Variants in IMMT observed in about 807,000 individuals in gnomAD.
IMMT encodes the protein inner membrane mitochondrial protein.
In IMMT, 40 loss-of-function variants were observed where a neutral mutation model predicts 92.7. The ratio of observed to expected loss-of-function variants is 0.43; its 90% CI spans 0.34 to 0.56. The LOEUF (loss-of-function observed/expected upper bound fraction) is 0.56, where lower values mean the gene tolerates loss of function less well. Ranked by LOEUF, IMMT falls within the 20% of genes least tolerant of loss-of-function variation. The pLI is 0.03. For synonymous variants in IMMT, 322 were observed against 336.1 expected, an observed-to-expected ratio of 0.96 and a Z score of 0.46; for missense variants, 831 against 912.1, an observed-to-expected ratio of 0.91 and a Z score of 1.14.
chr2:86,147,876 C>A, intron 12 of IMMT, 43 bp from the exon 13 acceptor site: 3 of 1,592,440 alleles, frequency 1.9e-6, no homozygotes, highest in Non-Finnish European at 2.6e-6. Flanking sequence ...CAATTCTCCA[C>A]ATATACTTTT....
At chr2:86,191,747 C>CAAAAAAAAAAAAAA (rs572412565) in intron 1 of IMMT, among the ~76,000 whole-genome samples, 1 of 116,874 alleles carries the variant, frequency 8.6e-6, no homozygotes, top group Non-Finnish European at 1.7e-5. Flanking sequence ...ACTAAAAATA[C>CAAAAAAAAAAAAAA]AAAAAAAAAA....
At position 86,151,528 on chromosome 2, in the gene IMMT, A is replaced by G. The variant is rs1675468659; in HGVS notation, c.1178-8T>C. On this transcript the variant is annotated splice_polypyrimidine_tract_variant and splice_region_variant and intron_variant, in intron 11 of 14. Coordinates refer to ENST00000410111, the MANE Select transcript of IMMT (RefSeq NM_006839.3). ...CAGTAGAGAGCTTGTCAGCTAAGCA[A>G]AAGAGCATGTTAAAATATTAATGAT... The G allele has an allele frequency of 1.3e-6, 2 of 1,590,520 alleles. No individual in the cohort carries two copies. Among genetic ancestry groups the G allele is most frequent in the African/African-American group, 1.3e-5 (1 of 74,458 alleles).
At chr2:86,157,208 C>G (rs997070836) in intron 10 of IMMT, among the ~76,000 whole-genome samples, 1 of 152,228 alleles carries the variant, frequency 6.6e-6, no homozygotes, top group Non-Finnish European at 1.5e-5. Flanking sequence ...ATAAATCATA[C>G]TGTCACTTTT....
chr2:86,169,001 AG>A (rs765080697), intron 6 of IMMT, among the ~76,000 whole-genome samples: 15 of 152,376 alleles, frequency 9.8e-5, no homozygotes, highest in Non-Finnish European at 8.8e-5. Context: ...TGCTGCTTCC[AG>A]CCCTCTTCAG....
intron 10 of IMMT, among the ~76,000 whole-genome samples, chr2:86,153,880 T>C (rs963549560): frequency 2.6e-5 from 4 of 152,210 alleles, no homozygotes; most frequent in African/African-American, 9.6e-5. Context: ...TTTTTTGTTT[T>C]GAGACAGAGC....
intron 4 of IMMT, among the ~76,000 whole-genome samples, chr2:86,173,135 A>G (rs373885781): frequency 1.3e-5 from 2 of 152,276 alleles, no homozygotes; most frequent in Non-Finnish European, 2.9e-5. Context: ...AAGGAGAAAC[A>G]TAAGAAGTTC....
At chr2:86,189,792 T>C (rs6730226) in intron 1 of IMMT, among the ~76,000 whole-genome samples, 56,849 of 152,148 alleles carry the variant, frequency 0.37, 12,975 homozygotes, top group Non-Finnish European at 0.51. Flanking sequence ...CTTTTTCTAC[T>C]GTTAATTTAA....
chr2:86,152,400 C>G (rs1295327457), intron 11 of IMMT, among the ~76,000 whole-genome samples: 3 of 132,164 alleles, frequency 2.3e-5, no homozygotes, highest in South Asian at 2.4e-4. Flanking sequence ...GAAATTGCGC[C>G]ACTGTATTCC....
In IMMT at chr2:86,169,363, CA is replaced by C. The variant is rs1471326100; in HGVS notation, c.655+1385del. On this transcript the variant is annotated intron_variant, in intron 6 of 14. Transcript: ENST00000410111. ...TAAATATTCACAAATATTTGTAACA[CA>C]ATCAGAAGAATACAAAAAATCAAAA... Among the ~76,000 whole-genome samples, 9 of 152,224 alleles carry C rather than the reference CA, an allele frequency of 5.9e-5. 1 individual carries two copies. The highest frequency in any genetic ancestry group is 3.4e-3 in the Middle Eastern group (1 of 294).
At chr2:86,145,445 A>G (rs529754699) in intron 14 of IMMT, among the ~76,000 whole-genome samples, 9 of 141,930 alleles carry the variant, frequency 6.3e-5, no homozygotes, top group African/African-American at 2.4e-4. Context: ...CAGTGAGTCG[A>G]TATCACACCA....
intron 11 of IMMT, among the ~76,000 whole-genome samples, chr2:86,153,340 C>CACACTT (rs1244774923): frequency 1.4e-5 from 2 of 148,146 alleles, no homozygotes; most frequent in Admixed American, 6.8e-5. Flanking sequence ...CACACACACA[C>CACACTT]ACTTCACATC....
chr2:86,170,754 A>G lies in IMMT; in HGVS notation c.650T>C (p.Ile217Thr), dbSNP rs1264460416. 1 of 1,573,304 alleles carries G rather than the reference A, an allele frequency of 6.4e-7. No homozygotes were observed. The highest frequency in any genetic ancestry group is 8.6e-7 in the Non-Finnish European group (1 of 1,157,132). ...AAGCTGTCTGGTTTACATACACTCAATTTTAACTTGTTCTTGTTTTTCCTG... is the reference window on the plus strand; with the variant it reads ...AAGCTGTCTGGTTTACATACACTCAGTTTTAACTTGTTCTTGTTTTTCCTG... The part of the protein sequence containing the change: ...AQQEKQEQVK[I>T]ESLAKSLEDA... The change falls in exon 6 of 15, where the codon ATT (isoleucine) becomes ACT (threonine). Residue 217 changes from isoleucine (I) to threonine (T), a missense_variant. Coordinates refer to ENST00000410111, the MANE Select transcript of IMMT (RefSeq NM_006839.3).
chr2:86,179,415 A>G lies in IMMT; in HGVS notation c.309+18T>C. The stretch of plus-strand genomic sequence containing the variant: ...AGTATTTCATTGGATAAACTGAAAT[A>G]TTGTTTAAAACTCTTACCGATTTCT... On this transcript the variant is annotated intron_variant, in intron 3 of 14. Transcript: ENST00000410111. 1 of 1,543,362 alleles carries G rather than the reference A, an allele frequency of 6.5e-7. No individual in the cohort carries two copies. The highest frequency in any genetic ancestry group is 8.7e-7 in the Non-Finnish European group (1 of 1,146,284).
intron 2 of IMMT, among the ~76,000 whole-genome samples, chr2:86,180,445 T>TA (rs977748380): frequency 6.6e-6 from 1 of 151,804 alleles, no homozygotes; most frequent in African/African-American, 2.4e-5. Context: ...TTTTTATTTT[T>TA]AGTAGAGACG....
Position 86,162,092 on chromosome 2 carries a change from T to A in IMMT, c.793-13A>T. On this transcript the variant is annotated splice_polypyrimidine_tract_variant and intron_variant, in intron 7 of 14. Transcript: ENST00000410111. Reference sequence around the variant, plus strand: ...TCTCGCCTGCAATCTAAACAAAAAATTTTAATTATATAATAAATAACTGCT... The same window carrying A: ...TCTCGCCTGCAATCTAAACAAAAAAATTTAATTATATAATAAATAACTGCT... 1 of 1,500,478 alleles carries A rather than the reference T, an allele frequency of 6.7e-7. No homozygotes were observed. Among genetic ancestry groups the A allele is most frequent in the Non-Finnish European group, 9.0e-7 (1 of 1,111,276 alleles). 92.9% of individuals were successfully genotyped at this position (1,500,478 alleles called of 1,614,324 possible). A position where few individuals can be genotyped will look rare whatever the true frequency, so the allele number is the denominator to read the frequency against.
At chr2:86,175,746 C>T (rs917046828) in intron 3 of IMMT, among the ~76,000 whole-genome samples, 5 of 141,216 alleles carry the variant, frequency 3.5e-5, no homozygotes, top group Non-Finnish European at 6.2e-5. Flanking sequence ...AAAATAGAAA[C>T]ACTAACTGCT....
chr2:86,153,630 T>C, intron 10 of IMMT, 56 bp from the exon 11 acceptor site: 4 of 1,150,682 alleles, frequency 3.5e-6, no homozygotes, highest in Non-Finnish European at 4.9e-6. Context: ...ACTTTAGTTA[T>C]TGATCATTAA....
chr2:86,182,331 C>G (rs991353742), intron 1 of IMMT, among the ~76,000 whole-genome samples: 1 of 152,134 alleles, frequency 6.6e-6, no homozygotes, highest in Non-Finnish European at 1.5e-5. Flanking sequence ...ATCAGAATAA[C>G]ACAAACTTCC....
chr2:86,177,106 T>C (rs1369152802), intron 3 of IMMT, among the ~76,000 whole-genome samples: 1 of 152,170 alleles, frequency 6.6e-6, no homozygotes, highest in African/African-American at 2.4e-5. Context: ...ACTTTTGCTA[T>C]AGGATGGGTC....
Sources: allele counts gnomAD v4.1 joint callset (sites outside exome capture counted in the v4.1 genomes callset), GRCh38; gene constraint gnomAD v4.1.1; transcripts MANE v1.5; gene names NCBI Gene and HGNC (gene_info 2026-07-23, HGNC 2026-07-21).